Variants in FGF14 observed in about 807,000 individuals in gnomAD.
FGF14 encodes fibroblast growth factor 14.
A neutral mutation model predicts 25.5 loss-of-function variants in FGF14; 5 were observed. The observed-to-expected ratio is 0.20, with a 90% CI of 0.10 to 0.41. The LOEUF (loss-of-function observed/expected upper bound fraction) is 0.41, where lower values mean the gene tolerates loss of function less well. FGF14 is among the 10% of genes least tolerant of loss of function. The pLI is 1.00. For missense variants in FGF14, 222 were observed against 320.1 expected (o/e 0.69, Z 2.34); for synonymous variants, 138 against 118.3 (o/e 1.17, Z -1.08).
chr13:101,997,879 ATTAAT>A (rs1282111445), intron 1 of FGF14, among the ~76,000 whole-genome samples: 1 of 152,058 alleles, frequency 6.6e-6, no homozygotes, highest in Non-Finnish European at 1.5e-5. Context: ...AATTTTTTAC[ATTAAT>A]TTAATTGTGC....
chr13:101,958,149 G>A (rs1161731518), intron 1 of FGF14, among the ~76,000 whole-genome samples: 1 of 152,174 alleles, frequency 6.6e-6, no homozygotes, highest in African/African-American at 2.4e-5. Flanking sequence ...CAGAGAACTT[G>A]AGAGCTTTCC....
intron 3 of FGF14, among the ~76,000 whole-genome samples, chr13:101,830,768 C>T (rs1388779749): frequency 1.3e-5 from 2 of 152,086 alleles, no homozygotes; most frequent in African/African-American, 2.4e-5. Flanking sequence ...TATCAAGGGT[C>T]TCACTGGCTA....
intron 1 of FGF14, among the ~76,000 whole-genome samples, chr13:102,177,693 G>A (rs930177026): frequency 6.6e-6 from 1 of 151,646 alleles, no homozygotes; most frequent in African/African-American, 2.4e-5. Context: ...GAACCTTATG[G>A]CTCATGGAAA....
At chr13:101,841,795 C>T (rs1013750308) in intron 3 of FGF14, among the ~76,000 whole-genome samples, 1 of 151,828 alleles carries the variant, frequency 6.6e-6, no homozygotes, top group African/African-American at 2.4e-5. Context: ...TCTGCTGGCC[C>T]AGTGTTTTGA....
At chr13:101,873,605 T>A (rs1486504491) in intron 2 of FGF14, among the ~76,000 whole-genome samples, 1 of 152,060 alleles carries the variant, frequency 6.6e-6, no homozygotes, top group African/African-American at 2.4e-5. Flanking sequence ...CAGTAACACG[T>A]AAGAGAAAGG....
chr13:102,383,246 G>T (rs1247869173), intron 1 of FGF14, among the ~76,000 whole-genome samples: 1 of 151,940 alleles, frequency 6.6e-6, no homozygotes, highest in African/African-American at 2.4e-5. Flanking sequence ...AAAAATAATT[G>T]TTATATCAAT....
At chr13:102,326,747 GAAGGAAAGAGGGAGGGAAGGAAGGAAGA>G (rs2056461667) in intron 1 of FGF14, among the ~76,000 whole-genome samples, 1 of 95,572 alleles carries the variant, frequency 1.0e-5, no homozygotes, top group African/African-American at 4.4e-5. Context: ...AGGAAGGAAG[GAAGGAAAGAGGGAGGGAAGGAAGGAAGA>G]AAAAAAAGGA....
intron 1 of FGF14, among the ~76,000 whole-genome samples, chr13:102,135,020 C>CAA (rs1491041577): frequency 2.7e-4 from 4 of 14,772 alleles, no homozygotes; most frequent in Non-Finnish European, 2.3e-4. Flanking sequence ...CCCGTGTCCA[C>CAA]ACACACACAC....
intron 2 of FGF14, among the ~76,000 whole-genome samples, chr13:101,873,825 A>G (rs1050528566): frequency 1.3e-5 from 2 of 152,086 alleles, no homozygotes; most frequent in Non-Finnish European, 2.9e-5. Flanking sequence ...CTGTAGCTGA[A>G]TTGTTTTACC....
intron 1 of FGF14, among the ~76,000 whole-genome samples, chr13:102,374,644 T>TATA (rs2057984695): frequency 1.0e-4 from 5 of 49,372 alleles, no homozygotes; most frequent in South Asian, 7.5e-4. Context: ...CTTACATATT[T>TATA]TATATATATA....
chr13:101,997,800 C>T (rs998212464), intron 1 of FGF14, among the ~76,000 whole-genome samples: 3 of 152,112 alleles, frequency 2.0e-5, no homozygotes, highest in Non-Finnish European at 2.9e-5. Flanking sequence ...GATTACTGTT[C>T]GTCTGTCCCC....
At chr13:102,135,950 C>A (rs538093337) in intron 1 of FGF14, among the ~76,000 whole-genome samples, 1 of 152,264 alleles carries the variant, frequency 6.6e-6, no homozygotes, top group African/African-American at 2.4e-5. Flanking sequence ...GCCACCACGC[C>A]CGGCCCCCGT....
At chr13:102,365,520 T>C (rs1216161463) in intron 1 of FGF14, among the ~76,000 whole-genome samples, 2 of 152,208 alleles carry the variant, frequency 1.3e-5, no homozygotes, top group Admixed American at 1.3e-4. Context: ...AATTTTGTAA[T>C]TATATTTCCC....
At chr13:102,329,334 A>G (rs1395449191) in intron 1 of FGF14, among the ~76,000 whole-genome samples, 1 of 152,004 alleles carries the variant, frequency 6.6e-6, no homozygotes, top group Non-Finnish European at 1.5e-5. Context: ...TTTTTTCCAC[A>G]TGACCCCAAC....
At chr13:102,144,368 A>T (rs2046765896) in intron 1 of FGF14, among the ~76,000 whole-genome samples, 1 of 152,230 alleles carries the variant, frequency 6.6e-6, no homozygotes, top group South Asian at 2.1e-4. Flanking sequence ...TGAACTGCTT[A>T]TCCAAAAGAA....
At chr13:102,158,574 G>A (rs528303666) in intron 1 of FGF14, among the ~76,000 whole-genome samples, 3 of 151,880 alleles carry the variant, frequency 2.0e-5, no homozygotes, top group African/African-American at 7.2e-5. Context: ...AATGTTAAAT[G>A]ATGAGTTAAT....
Position 102,102,710 on chromosome 13 carries a change from C to G in FGF14, c.209-227414G>C, listed in dbSNP as rs561570610. Among the ~76,000 whole-genome samples, 15 of 152,330 alleles carry G rather than the reference C, an allele frequency of 9.8e-5. No homozygotes were observed. In the East Asian group the frequency reaches 2.9e-3, roughly 29 times the overall value. On this transcript the variant is annotated intron_variant, in intron 1 of 4. Coordinates refer to the FGF14 transcript ENST00000376131. ...GTTTGAATATGTATTCATAAACTTT[C>G]ATATGCATTTTTCATGGTATCCTTC...
chr13:101,822,012 G>C (rs2042177746), intron 3 of FGF14, among the ~76,000 whole-genome samples: 1 of 152,116 alleles, frequency 6.6e-6, no homozygotes, highest in South Asian at 2.1e-4. Flanking sequence ...TTTTAAGAAA[G>C]TTCAGTTGAT....
At chr13:101,997,664 C>G (rs1403165545) in intron 1 of FGF14, among the ~76,000 whole-genome samples, 1 of 152,072 alleles carries the variant, frequency 6.6e-6, no homozygotes, top group East Asian at 1.9e-4. Context: ...CCGGGGAGCA[C>G]ACTGAAAACC....
Sources: allele counts gnomAD v4.1 joint callset (sites outside exome capture counted in the v4.1 genomes callset), GRCh38; gene constraint gnomAD v4.1.1; transcripts MANE v1.5; gene names NCBI Gene and HGNC (gene_info 2026-07-23, HGNC 2026-07-21).